Variants in SLC29A3 observed in about 807,000 individuals in gnomAD.
SLC29A3 encodes the protein solute carrier family 29 member 3, also known as equilibrative nucleoside transporter 3.
A neutral mutation model predicts 25.4 loss-of-function variants in SLC29A3; 18 were observed. The ratio of observed to expected loss-of-function variants is 0.71; its 90% confidence interval spans 0.49 to 1.05. The LOEUF is 1.05. Among genes scored for constraint, SLC29A3 ranks in the 50% least tolerant of loss-of-function variants. SLC29A3 has a pLI of 0.00. For missense variants in SLC29A3, 586 were observed against 609.0 expected (o/e 0.96, Z 0.40); for synonymous variants, 258 against 267.1 (o/e 0.97, Z 0.33).
In SLC29A3 at chr10:71,350,314, CGTGTGT is replaced by C. The variant is rs775651402; in HGVS notation, c.384-1217_384-1212del. 9.8e-3 allele frequency among the ~76,000 whole-genome samples: 1,401 copies of C among 142,566 alleles called. 13 individuals are homozygous for C. The highest frequency in any genetic ancestry group is 0.026 in the African/African-American group (995 of 38,780). The allele number at this position is 142,566 out of a possible 152,430, so 93.5% of individuals were successfully genotyped here. On this transcript the variant is annotated intron_variant, in intron 3 of 5. Transcript: ENST00000373189. ...TTTCTTGCTCATCATTTCACACCTA[CGTGTGT>C]GTGTGTGTGTGTGTGTGTGTGTGTG...
In SLC29A3 at chr10:71,362,664, G is replaced by A. The variant is rs761169772; in HGVS notation, c.*56G>A. On this transcript the variant is annotated 3_prime_UTR_variant, in exon 6 of 6. Coordinates refer to ENST00000373189, the MANE Select transcript of SLC29A3 (RefSeq NM_018344.6). ...GAGCCTTTGAAGATGAGAAGAGAGT[G>A]CAGGAGGGCTGGGGGCCATGGAGGA... 5.2e-5 allele frequency: 83 copies of A among 1,610,162 alleles called. No homozygotes were observed. In the Middle Eastern group the frequency reaches 8.3e-4, roughly 16 times the overall value.
At chr10:71,343,134 G>A (rs1396374334) in intron 2 of SLC29A3, among the ~76,000 whole-genome samples, 8 of 152,142 alleles carry the variant, frequency 5.3e-5, no homozygotes, top group Non-Finnish European at 1.0e-4. Context: ...CACCATGCCC[G>A]ACTAATTTTT....
At chr10:71,350,766 C>G (rs912162665) in intron 3 of SLC29A3, among the ~76,000 whole-genome samples, 2 of 152,198 alleles carry the variant, frequency 1.3e-5, no homozygotes, top group South Asian at 4.1e-4. Context: ...TTTCCTCACT[C>G]CAGGGGAGGC....
At position 71,351,577 on chromosome 10, in the gene SLC29A3, C is replaced by A; in HGVS notation, c.399C>A (p.Ile133=). The change falls in exon 4 of 6, where the codon ATC becomes ATA. Residue 133 remains isoleucine, a synonymous_variant. Transcript: ENST00000373189. ...FLLVNRVAVH[I]RVLASLTVIL... ...CTCGCCCCAGGGTTGCAGTCCACAT[C>A]CGTGTCCTGGCCTCACTGACGGTCA... 1 of 1,614,250 alleles carries A rather than the reference C, an allele frequency of 6.2e-7. No individual in the cohort carries two copies. The highest frequency in any genetic ancestry group is 8.5e-7 in the Non-Finnish European group (1 of 1,180,042).
At chr10:71,356,870 C>T (rs1471079389) in intron 5 of SLC29A3, among the ~76,000 whole-genome samples, 1 of 152,198 alleles carries the variant, frequency 6.6e-6, no homozygotes, top group Non-Finnish European at 1.5e-5. Flanking sequence ...CTCCCCTGTT[C>T]CTCTTAGAGT....
At chr10:71,319,586 T>C (rs1845800318) in intron 1 of SLC29A3, 2 of 377,900 alleles carry the variant, frequency 5.3e-6, no homozygotes, top group East Asian at 3.9e-5. Context: ...GGGCCTGGTA[T>C]GGACCCGTCG....
intron 2 of SLC29A3, among the ~76,000 whole-genome samples, chr10:71,330,469 A>G (rs777911167): frequency 1.1e-4 from 17 of 152,220 alleles, no homozygotes; most frequent in Non-Finnish European, 1.8e-4. Context: ...AGCTAGGTGA[A>G]AGGTGGATTG....
intron 4 of SLC29A3, among the ~76,000 whole-genome samples, chr10:71,378,258 C>T (rs1847276518): frequency 6.6e-6 from 1 of 152,176 alleles, no homozygotes; most frequent in Non-Finnish European, 1.5e-5. Context: ...CTCAACGAAG[C>T]CGTCTTTGAC....
chr10:71,354,291 G>A (rs557248307), intron 4 of SLC29A3, among the ~76,000 whole-genome samples: 3 of 152,332 alleles, frequency 2.0e-5, no homozygotes, highest in South Asian at 4.1e-4. Flanking sequence ...CAGAGGCACA[G>A]TGAGGTTAAG....
chr10:71,330,036 G>A (rs1846083363), intron 2 of SLC29A3, among the ~76,000 whole-genome samples: 1 of 152,208 alleles, frequency 6.6e-6, no homozygotes, highest in African/African-American at 2.4e-5. Context: ...GTGGTTGGAG[G>A]GTTCGGTGCT....
chr10:71,327,176 G>A (rs1219390823), intron 2 of SLC29A3, among the ~76,000 whole-genome samples: 3 of 152,108 alleles, frequency 2.0e-5, no homozygotes, highest in Non-Finnish European at 2.9e-5. Context: ...CCATTTGATG[G>A]GGAGCTTGAC....
At chr10:71,361,882 T>G (rs1311674417) in intron 5 of SLC29A3, 72 bp from the exon 6 acceptor site, 30 of 1,582,964 alleles carry the variant, frequency 1.9e-5, no homozygotes, top group Non-Finnish European at 2.6e-5. Flanking sequence ...CTGTTCTGAG[T>G]GCCCACCCCT....
chr10:71,341,315 G>C (rs1243645746), intron 2 of SLC29A3, among the ~76,000 whole-genome samples: 1 of 152,190 alleles, frequency 6.6e-6, no homozygotes, highest in African/African-American at 2.4e-5. Flanking sequence ...TACCTGAGGG[G>C]CAGGCAGGGT....
intron 5 of SLC29A3, among the ~76,000 whole-genome samples, chr10:71,361,159 T>C (rs1207841178): frequency 2.0e-5 from 3 of 152,168 alleles, no homozygotes; most frequent in Admixed American, 6.5e-5. Context: ...TTTGTTTTGT[T>C]GAGACAGGGT....
downstream of SLC29A3, chr10:71,366,375 A>T (rs939292873): frequency 5.3e-5 from 8 of 152,184 alleles, no homozygotes; most frequent in Non-Finnish European, 8.8e-5. Context: ...GAGAGAAATG[A>T]CTTAAATATG....
chr10:71,332,777 T>C (rs1846151055), intron 2 of SLC29A3, among the ~76,000 whole-genome samples: 1 of 152,226 alleles, frequency 6.6e-6, no homozygotes, highest in Non-Finnish European at 1.5e-5. Context: ...CCATTCCCAA[T>C]AAATAATACA....
chr10:71,331,757 A>T (rs1003638993), intron 2 of SLC29A3, among the ~76,000 whole-genome samples: 2 of 152,236 alleles, frequency 1.3e-5, no homozygotes, highest in Admixed American at 1.3e-4. Context: ...ATCTATGAGG[A>T]TGCGTCATGT....
chr10:71,362,508 G>C lies in SLC29A3; in HGVS notation c.1328G>C (p.Arg443Thr), dbSNP rs772231959. Residue 443 changes from arginine (R) to threonine (T), a missense_variant, in exon 6 of 6, where the codon AGG (arginine) becomes ACG (threonine). Transcript: ENST00000373189. ...CTCTACGGGCCTAAGATTGTGCCCA[G>C]GGAGCTGGCTGAGGCCACGGGAGTG... ...ALLYGPKIVP[R>T]ELAEATGVVM... 6.2e-7 allele frequency: 1 copy of C among 1,614,210 alleles called. No homozygotes were observed. Among genetic ancestry groups the C allele is most frequent in the Non-Finnish European group, 8.5e-7 (1 of 1,180,052 alleles).
At chr10:71,342,843 G>A (rs1433759641) in intron 2 of SLC29A3, among the ~76,000 whole-genome samples, 3 of 152,222 alleles carry the variant, frequency 2.0e-5, no homozygotes, top group Admixed American at 6.5e-5. Flanking sequence ...CACTAGCTGC[G>A]ATTATCATTT....
Sources: gnomAD v4.1 joint callset for allele counts (sites outside exome capture counted in the v4.1 genomes callset) on GRCh38, gnomAD v4.1.1 for gene constraint, MANE v1.5 for transcripts, NCBI Gene and HGNC (gene_info 2026-07-23, HGNC 2026-07-21) for gene names.